IARS1: variants seen among roughly 807,000 people sequenced by gnomAD.
IARS1 encodes the protein isoleucine--tRNA ligase, cytoplasmic.
IARS1 carries 124 observed loss-of-function variants against 168.2 expected under a neutral mutation model. The observed-to-expected ratio is 0.74, with a 90% confidence interval of 0.64 to 0.86. IARS1 has a LOEUF of 0.86. Ranked by LOEUF, IARS1 falls within the 40% of genes least tolerant of loss-of-function variation. The pLI, the probability that IARS1 is intolerant of heterozygous loss-of-function variation, is 0.00. For missense variants in IARS1, 1,452 were observed against 1,515.8 expected (o/e 0.96, Z 0.70); for synonymous variants, 532 against 529.4 (o/e 1.00, Z -0.07).
chr9:92,245,436 T>A (rs1213716477), intron 26 of IARS1, among the ~76,000 whole-genome samples: 1 of 152,152 alleles, frequency 6.6e-6, no homozygotes, highest in African/African-American at 2.4e-5. Context: ...AAAGTGAACT[T>A]AGGTCCACTA....
In IARS1 at chr9:92,288,273, G is replaced by A. The variant is rs1410768410; in HGVS notation, c.129C>T (p.Phe43=). 2 of 1,613,800 alleles carry A rather than the reference G, an allele frequency of 1.2e-6. No individual in the cohort carries two copies. The highest frequency in any genetic ancestry group is 1.7e-5 in the Admixed American group (1 of 59,990). ...KQSKHKPKFT[F]YDGPPFATGL... ...CAGTTGCAAAAGGAGGACCATCATAGAAGGTAAATCTAACAGGTAATAAAA... is the reference window on the plus strand; with the variant it reads ...CAGTTGCAAAAGGAGGACCATCATAAAAGGTAAATCTAACAGGTAATAAAA... Residue 43 remains phenylalanine, a synonymous_variant, in exon 3 of 34, where the codon TTC becomes TTT. Transcript: ENST00000443024.
chr9:92,232,244 T>C (rs941229673), intron 30 of IARS1, among the ~76,000 whole-genome samples: 1 of 152,192 alleles, frequency 6.6e-6, no homozygotes, highest in Non-Finnish European at 1.5e-5. Context: ...GTTTTGTTAA[T>C]TTAAATGATG....
intron 1 of IARS1, among the ~76,000 whole-genome samples, chr9:92,290,042 T>C (rs916913179): frequency 4.6e-5 from 7 of 152,186 alleles, no homozygotes; most frequent in African/African-American, 1.7e-4. Flanking sequence ...TTTGTGTGGA[T>C]CTATGTTTTC....
chr9:92,211,585 G>A (rs1040339860), intron 33 of IARS1, among the ~76,000 whole-genome samples: 3 of 152,086 alleles, frequency 2.0e-5, no homozygotes, highest in Non-Finnish European at 4.4e-5. Flanking sequence ...TAGATATCGG[G>A]CAGACTCCTG....
chr9:92,286,385 G>C (rs1587898973), intron 5 of IARS1, 151 bp downstream of exon 5: 1 of 573,660 alleles, frequency 1.7e-6, no homozygotes, highest in African/African-American at 1.9e-5. Context: ...AAAAATAAAA[G>C]TTCTACATTC....
chr9:92,225,509 T>C (rs1825532886), intron 31 of IARS1, among the ~76,000 whole-genome samples: 1 of 151,892 alleles, frequency 6.6e-6, no homozygotes, highest in Non-Finnish European at 1.5e-5. Context: ...AAGGTAACTT[T>C]CTATCTCGTT....
chr9:92,266,700 G>A (rs903783302), intron 14 of IARS1, among the ~76,000 whole-genome samples: 9 of 152,166 alleles, frequency 5.9e-5, no homozygotes, highest in East Asian at 1.9e-4. Context: ...TCCTGTGAGA[G>A]CTGACTGTTG....
Position 92,251,825 on chromosome 9 carries a change from A to T in IARS1, c.2290T>A (p.Ser764Thr). 1 of 1,613,848 alleles carries T rather than the reference A, an allele frequency of 6.2e-7. No homozygotes were observed. Among genetic ancestry groups the T allele is most frequent in the Non-Finnish European group, 8.5e-7 (1 of 1,179,690 alleles). ...CATCTTACCATAAGTCTGCAAAGAG[A>T]AAGCAGAACACTAAACAAGGTTTCT... is the stretch of plus-strand genomic sequence containing the variant. ...ALETLFSVLL[S>T]LCRLMAPYTP... Residue 764 changes from serine to threonine, a missense_variant, in exon 22 of 34, where the codon TCT (serine) becomes ACT (threonine). Physicochemically the swap from Ser to Thr is moderately conservative, Grantham distance 58 (BLOSUM62 1). Coordinates refer to ENST00000443024, the MANE Select transcript of IARS1 (RefSeq NM_002161.6).
intron 30 of IARS1, among the ~76,000 whole-genome samples, chr9:92,230,117 C>T (rs1054798545): frequency 6.9e-6 from 1 of 145,876 alleles, no homozygotes; most frequent in Non-Finnish European, 1.5e-5. Context: ...CTTTTCTTTT[C>T]TTTTTTTTTT....
chr9:92,218,599 A>G (rs1337979196), intron 33 of IARS1, among the ~76,000 whole-genome samples: 5 of 102,008 alleles, frequency 4.9e-5, no homozygotes, highest in Non-Finnish European at 9.1e-5. Context: ...AAATCAATGT[A>G]CAAAAATCAC....
intron 19 of IARS1, among the ~76,000 whole-genome samples, chr9:92,257,193 A>G (rs1417068132): frequency 2.6e-5 from 4 of 152,216 alleles, no homozygotes; most frequent in African/African-American, 9.6e-5. Context: ...ACTGGGAAAT[A>G]ATTTCCATGC....
intron 2 of IARS1, among the ~76,000 whole-genome samples, chr9:92,289,053 C>T (rs1243522096): frequency 6.6e-6 from 1 of 151,662 alleles, no homozygotes; most frequent in African/African-American, 2.4e-5. Flanking sequence ...TACTAAAACA[C>T]AAGAATTAGC....
At chr9:92,264,072 C>G (rs566891262) in intron 16 of IARS1, among the ~76,000 whole-genome samples, 2 of 152,264 alleles carry the variant, frequency 1.3e-5, no homozygotes, top group African/African-American at 2.4e-5. Context: ...CAATGGCTCA[C>G]GCCTGTAATC....
chr9:92,258,889 G>A lies in IARS1; in HGVS notation c.1981C>T (p.Arg661Cys), dbSNP rs553833363. The change falls in exon 19 of 34, where the codon CGC becomes TGC. Residue 661 changes from arginine to cysteine, a missense_variant. Coordinates refer to ENST00000443024, the MANE Select transcript of IARS1 (RefSeq NM_002161.6). The stretch of plus-strand genomic sequence containing the variant: ...CTCAGAACGTTCTGGATTAAGAAGC[G>A]ATAGGCATTGTACCATGGGAGCAGT... ...DVLLPWYNAY[R>C]FLIQNVLRLQ... 4.3e-6 allele frequency: 7 copies of A among 1,613,208 alleles called. No individual in the cohort carries two copies. The highest frequency in any genetic ancestry group is 1.7e-5 in the Admixed American group (1 of 59,710).
At chr9:92,219,242 C>T (rs1839279556) in intron 33 of IARS1, among the ~76,000 whole-genome samples, 1 of 152,150 alleles carries the variant, frequency 6.6e-6, no homozygotes, top group Non-Finnish European at 1.5e-5. Flanking sequence ...GAAACTGGAT[C>T]CCTTCCTTAC....
intron 33 of IARS1, among the ~76,000 whole-genome samples, chr9:92,215,744 T>C (rs373901224): frequency 2.0e-5 from 3 of 151,128 alleles, no homozygotes; most frequent in Admixed American, 6.6e-5. Context: ...ACGAAATGAG[T>C]AAAGCCTCCA....
chr9:92,288,732 AT>A (rs1162040641), intron 2 of IARS1, among the ~76,000 whole-genome samples: 1 of 152,150 alleles, frequency 6.6e-6, no homozygotes, highest in Non-Finnish European at 1.5e-5. Flanking sequence ...GAGGGTGGTG[AT>A]GAAAATAAAG....
intron 17 of IARS1, 61 bp downstream of exon 17, chr9:92,262,908 C>T (rs1831731669): frequency 8.1e-7 from 1 of 1,235,174 alleles, no homozygotes; most frequent in Non-Finnish European, 1.2e-6. Flanking sequence ...CTCTCACGCA[C>T]TCCTTCTTAA....
chr9:92,270,937 G>A, intron 12 of IARS1, 48 bp downstream of exon 12: 1 of 1,288,580 alleles, frequency 7.8e-7, no homozygotes, highest in Non-Finnish European at 1.1e-6. Context: ...GTAAGTGTAA[G>A]CACAGACTGG....
Sources: allele counts gnomAD v4.1 joint callset (sites outside exome capture counted in the v4.1 genomes callset), GRCh38; gene constraint gnomAD v4.1.1; transcripts MANE v1.5; gene names NCBI Gene and HGNC (gene_info 2026-07-23, HGNC 2026-07-21).